The following ALDH9A1 variants were observed in gnomAD, a reference collection of about 807,000 sequenced individuals.
ALDH9A1 encodes 4-trimethylaminobutyraldehyde dehydrogenase.
A neutral mutation model predicts 56.6 loss-of-function variants in ALDH9A1; 42 were observed. That is an observed-to-expected ratio of 0.74 (90% CI 0.58 to 0.96). The LOEUF is 0.96. ALDH9A1 is among the 40% of genes least tolerant of loss of function. The pLI is 0.00. For synonymous variants in ALDH9A1, 242 were observed against 236.0 expected (o/e 1.03, Z -0.23); for missense variants, 661 against 651.5 (o/e 1.01, Z -0.16).
intron 7 of ALDH9A1, 88 bp downstream of exon 7, chr1:165,669,174 G>A (rs1456124422): frequency 1.1e-5 from 15 of 1,395,842 alleles, no homozygotes; most frequent in Middle Eastern, 1.8e-4. Context: ...ATAGTCATAC[G>A]AATATTAACA....
rs971055673 is a variant in ALDH9A1, at chr1:165,672,380, T to G, written c.931-2930A>C. 4.6e-5 allele frequency among the ~76,000 whole-genome samples: 7 copies of G among 152,124 alleles called. No homozygotes were observed. The East Asian group carries it at 1.3e-3, about 29-fold the overall frequency. On this transcript the variant is annotated intron_variant, in intron 6 of 10. Transcript: ENST00000354775. ...TACAACATGGATGAACCTGAAGATATTATACTAAGTGAAACGAGCCAGACA... is the reference window on the plus strand; with the variant it reads ...TACAACATGGATGAACCTGAAGATAGTATACTAAGTGAAACGAGCCAGACA...
At chr1:165,674,942 C>T (rs1468607185) in intron 6 of ALDH9A1, among the ~76,000 whole-genome samples, 2 of 152,120 alleles carry the variant, frequency 1.3e-5, no homozygotes, top group Non-Finnish European at 2.9e-5. Context: ...GCCTATAATC[C>T]CACACTTTGG....
intron 2 of ALDH9A1, 143 bp downstream of exon 2, chr1:165,695,109 T>C: frequency 1.1e-6 from 1 of 871,742 alleles, no homozygotes; most frequent in South Asian, 2.4e-5. Flanking sequence ...ACTTGTTTTA[T>C]ATACTAAGGT....
chr1:165,683,035 C>G lies in ALDH9A1; in HGVS notation c.403G>C (p.Asp135His). ...TACTCCAGGCACTGCCAGGAAATGT[C>G]AATGTCCAAGCGGGCCTCAAAGATG... ...KSIFEARLDI[D>H]ISWQCLEYYA... is the part of the protein sequence containing the mutation. The change falls in exon 3 of 11, where the codon GAC becomes CAC. Residue 135 changes from aspartate to histidine, a missense_variant. By Grantham distance (81) the Asp-to-His change is moderately conservative. Coordinates refer to ENST00000354775, the MANE Select transcript of ALDH9A1 (RefSeq NM_000696.4). 6.2e-7 allele frequency: 1 copy of G among 1,614,044 alleles called. No homozygotes were observed. The highest frequency in any genetic ancestry group is 2.2e-5 in the East Asian group (1 of 44,880).
chr1:165,688,535 T>C (rs1373608325), intron 2 of ALDH9A1, among the ~76,000 whole-genome samples: 1 of 152,044 alleles, frequency 6.6e-6, no homozygotes, highest in Non-Finnish European at 1.5e-5. Flanking sequence ...CTGGGAAACA[T>C]GGCGTAACCC....
intron 2 of ALDH9A1, among the ~76,000 whole-genome samples, chr1:165,688,146 C>T (rs950352740): frequency 6.6e-6 from 1 of 151,960 alleles, no homozygotes; most frequent in African/African-American, 2.4e-5. Context: ...AATAAACCCG[C>T]TCTCTACAAA....
rs768058910 is a variant in ALDH9A1, at chr1:165,682,182, C to T, written c.517G>A (p.Val173Ile). 6 of 1,613,884 alleles carry T rather than the reference C, an allele frequency of 3.7e-6. No individual in the cohort carries two copies. Among genetic ancestry groups the T allele is most frequent in the Non-Finnish European group, 4.2e-6 (5 of 1,179,900 alleles). The part of the protein sequence containing the change: ...FGYTRREPLG[V>I]CVGIGAWNYP... ...TTCCATGCTCCTATTCCCACACATA[C>T]CCCAAGTGGTTCTCTTCTGGTATAA... The change falls in exon 4 of 11, where the codon GTA (valine) becomes ATA (isoleucine). Residue 173 changes from valine to isoleucine, a missense_variant. Coordinates refer to ENST00000354775, the MANE Select transcript of ALDH9A1 (RefSeq NM_000696.4).
Position 165,696,601 on chromosome 1 carries a change from C to T in ALDH9A1, c.182-1204G>A, listed in dbSNP as rs186093641. Among the ~76,000 whole-genome samples, 806 of 151,998 alleles carry T rather than the reference C, an allele frequency of 5.3e-3. 6 individuals are homozygous for T. Among genetic ancestry groups the T allele is most frequent in the Admixed American group, 7.4e-3 (113 of 15,272 alleles). On this transcript the variant is annotated intron_variant, in intron 1 of 10. Transcript: ENST00000354775. The stretch of plus-strand genomic sequence containing the variant: ...AATTCCCAGATTTCCTTTTCTTATT[C>T]CACCTTTATTCCCTCTCCCTATTCT...
chr1:165,666,903 A>C (rs1461901912), intron 9 of ALDH9A1, among the ~76,000 whole-genome samples: 1 of 152,184 alleles, frequency 6.6e-6, no homozygotes, highest in East Asian at 1.9e-4. Flanking sequence ...ACCACAGAAA[A>C]AATGGCTACA....
In ALDH9A1 at chr1:165,665,067, G is replaced by C; in HGVS notation, c.1413C>G (p.Asn471Lys). Residue 471 changes from asparagine (N) to lysine (K), a missense_variant, in exon 10 of 11, where the codon AAC becomes AAG. Asn to Lys is a moderately conservative substitution (Grantham distance 94). Coordinates refer to ENST00000354775, the MANE Select transcript of ALDH9A1 (RefSeq NM_000696.4). ...GCAACTCCACTGGGCTGACGTTATA[G>C]TTGTTAATGAAGCACGTCCCAGCCT... ...ELQAGTCFIN[N>K]YNVSPVELPF... The C allele has an allele frequency of 6.2e-7, 1 of 1,613,942 alleles. No individual in the cohort carries two copies. The highest frequency in any genetic ancestry group is 8.5e-7 in the Non-Finnish European group (1 of 1,179,936).
chr1:165,664,916 A>G (rs2101732841), intron 10 of ALDH9A1, 102 bp downstream of exon 10: 1 of 870,668 alleles, frequency 1.1e-6, no homozygotes, highest in Non-Finnish European at 1.9e-6. Flanking sequence ...TTCCCCAGGT[A>G]ATTCAGATAT....
intron 2 of ALDH9A1, 26 bp downstream of exon 2, chr1:165,695,226 C>G (rs1650033321): frequency 1.9e-6 from 3 of 1,578,162 alleles, no homozygotes; most frequent in East Asian, 2.3e-5. Flanking sequence ...TGTCTGAGTT[C>G]TGGAAGGAAA....
At chr1:165,673,319 C>T (rs530071768) in intron 6 of ALDH9A1, among the ~76,000 whole-genome samples, 2 of 152,150 alleles carry the variant, frequency 1.3e-5, no homozygotes, top group Middle Eastern at 3.4e-3. Context: ...GGTGAGGATG[C>T]GGAGAAAAGG....
chr1:165,682,879 T>C, intron 3 of ALDH9A1, 102 bp downstream of exon 3: 1 of 1,356,478 alleles, frequency 7.4e-7, no homozygotes, highest in Non-Finnish European at 9.9e-7. Context: ...CCCAAGACTT[T>C]CACCCAGGTT....
At chr1:165,695,034 A>G (rs1468506699) in intron 2 of ALDH9A1, among the ~76,000 whole-genome samples, 1 of 152,186 alleles carries the variant, frequency 6.6e-6, no homozygotes, top group Non-Finnish European at 1.5e-5. Context: ...AAGCTTTACA[A>G]ACATGAAAAC....
intron 1 of ALDH9A1, among the ~76,000 whole-genome samples, chr1:165,698,042 A>C (rs918102311): frequency 2.6e-5 from 4 of 152,072 alleles, no homozygotes; most frequent in East Asian, 1.9e-4. Context: ...AAACAAACAA[A>C]AAACAAACAA....
chr1:165,681,075 C>T (rs1045836267), intron 4 of ALDH9A1, among the ~76,000 whole-genome samples: 3 of 152,166 alleles, frequency 2.0e-5, no homozygotes, highest in African/African-American at 4.8e-5. Flanking sequence ...AGACCAGCCC[C>T]CATGATTCAA....
At position 165,695,211 on chromosome 1, in the gene ALDH9A1, A is replaced by G. The variant is rs1332949303; in HGVS notation, c.327+41T>C. 2.6e-6 allele frequency: 4 copies of G among 1,555,948 alleles called. 1 individual carries two copies. Among genetic ancestry groups the G allele is most frequent in the South Asian group, 2.4e-5 (2 of 82,392 alleles). On this transcript the variant is annotated intron_variant, in intron 2 of 10. Transcript: ENST00000354775. ...TGCAAACATCACAAAGAAACCTCAG[A>G]GCAATGTCTGAGTTCTGGAAGGAAA...
At chr1:165,668,078 T>C (rs1649061391) in intron 8 of ALDH9A1, among the ~76,000 whole-genome samples, 1 of 152,202 alleles carries the variant, frequency 6.6e-6, no homozygotes, top group Non-Finnish European at 1.5e-5. Flanking sequence ...ACCTTGACTG[T>C]CAAAACTAGA....
Sources: gnomAD v4.1 joint callset for allele counts (sites outside exome capture counted in the v4.1 genomes callset) on GRCh38, gnomAD v4.1.1 for gene constraint, MANE v1.5 for transcripts, NCBI Gene and HGNC (gene_info 2026-07-23, HGNC 2026-07-21) for gene names.